KCNIP4: variants seen among roughly 807,000 people sequenced by gnomAD.
KCNIP4 encodes Kv channel-interacting protein 4.
A neutral mutation model predicts 34.0 loss-of-function variants in KCNIP4; 12 were observed. The observed-to-expected ratio is 0.35, with a 90% CI of 0.23 to 0.57. The LOEUF is 0.57. Ranked by LOEUF, KCNIP4 falls within the 20% of genes least tolerant of loss-of-function variation. The pLI, the probability that KCNIP4 is intolerant of heterozygous loss-of-function variation, is 0.83. For synonymous variants in KCNIP4, 124 were observed against 102.2 expected (o/e 1.21, Z -1.29); for missense variants, 238 against 311.7 (o/e 0.76, Z 1.78).
chr4:20,863,520 T>C (rs1359396843), intron 2 of KCNIP4, among the ~76,000 whole-genome samples: 1 of 152,184 alleles, frequency 6.6e-6, no homozygotes, highest in African/African-American at 2.4e-5. Context: ...TGTGGCTAAT[T>C]TGTTAGTCCT....
intron 1 of KCNIP4, among the ~76,000 whole-genome samples, chr4:21,429,760 T>C (rs1726272193): frequency 1.3e-5 from 2 of 152,344 alleles, no homozygotes; most frequent in Admixed American, 6.5e-5. Flanking sequence ...TCTGCAAATT[T>C]ATTTATTTAG....
intron 1 of KCNIP4, chr4:21,851,872 C>T (rs750457299): frequency 2.0e-5 from 3 of 152,106 alleles, no homozygotes; most frequent in East Asian, 1.9e-4. Context: ...CTGGAACCCT[C>T]GTCTCAGTTC....
At chr4:21,848,780 AAT>A (rs2109332297) in intron 1 of KCNIP4, 2 of 152,206 alleles carry the variant, frequency 1.3e-5, no homozygotes, top group East Asian at 3.9e-4. Context: ...ATTTCTGGAG[AAT>A]ATGAGTATAA....
chr4:21,363,567 T>G (rs551050056), intron 1 of KCNIP4, among the ~76,000 whole-genome samples: 1 of 152,292 alleles, frequency 6.6e-6, no homozygotes, highest in African/African-American at 2.4e-5. Context: ...CATAGCTCTT[T>G]GGGAAGTAGG....
At chr4:21,158,825 G>A (rs1277222509) in intron 1 of KCNIP4, among the ~76,000 whole-genome samples, 1 of 152,058 alleles carries the variant, frequency 6.6e-6, no homozygotes, top group African/African-American at 2.4e-5. Context: ...TGAGCATGAA[G>A]AAGATATATT....
At chr4:21,918,775 C>G (rs1304312580) in intron 1 of KCNIP4, among the ~76,000 whole-genome samples, 2 of 152,102 alleles carry the variant, frequency 1.3e-5, no homozygotes, top group Non-Finnish European at 2.9e-5. Context: ...CTATGGTGAT[C>G]AGGGGATGAA....
intron 1 of KCNIP4, among the ~76,000 whole-genome samples, chr4:21,170,082 AT>A (rs1444365591): frequency 6.6e-6 from 1 of 152,170 alleles, no homozygotes; most frequent in Non-Finnish European, 1.5e-5. Context: ...ATTAAAGTGC[AT>A]TCAAGGAAAC....
intron 1 of KCNIP4, among the ~76,000 whole-genome samples, chr4:21,883,901 G>C (rs1031688717): frequency 2.0e-5 from 3 of 152,102 alleles, no homozygotes; most frequent in African/African-American, 4.8e-5. Flanking sequence ...TGGCCCAATA[G>C]AGACTTCTTT....
rs532549749 is a variant in KCNIP4, at chr4:21,856,725, C to A, written c.61+91846G>T. 5.3e-5 allele frequency among the ~76,000 whole-genome samples: 8 copies of A among 152,300 alleles called. No individual in the cohort carries two copies. In the East Asian group the frequency reaches 1.6e-3, roughly 30 times the overall value. ...CAGGAGCCCTGGAAGCCCTCCCCTTCCACTGCCTGGCCTCTTCCTACTCCA... is the reference window on the plus strand; with the variant it reads ...CAGGAGCCCTGGAAGCCCTCCCCTTACACTGCCTGGCCTCTTCCTACTCCA... On this transcript the variant is annotated intron_variant, in intron 1 of 8. Transcript: ENST00000382152.
intron 1 of KCNIP4, among the ~76,000 whole-genome samples, chr4:21,362,052 C>A (rs994544991): frequency 6.6e-6 from 1 of 151,970 alleles, no homozygotes; most frequent in Non-Finnish European, 1.5e-5. Flanking sequence ...CAAGACAGTA[C>A]CCATGCAAGA....
At chr4:20,818,831 T>A (rs775098970) in intron 3 of KCNIP4, among the ~76,000 whole-genome samples, 2 of 151,892 alleles carry the variant, frequency 1.3e-5, no homozygotes, top group Non-Finnish European at 2.9e-5. Context: ...TAATATTAAG[T>A]ATTCCAGAAT....
chr4:21,029,344 G>C (rs1740816046), intron 1 of KCNIP4, among the ~76,000 whole-genome samples: 1 of 152,114 alleles, frequency 6.6e-6, no homozygotes, highest in South Asian at 2.1e-4. Flanking sequence ...TACCTCATAA[G>C]ATTGCTCTGA....
At chr4:21,286,863 G>A (rs562648046) in intron 1 of KCNIP4, among the ~76,000 whole-genome samples, 4 of 152,148 alleles carry the variant, frequency 2.6e-5, no homozygotes, top group Non-Finnish European at 5.9e-5. Context: ...TGATGTTCAT[G>A]TTCTTTCCAT....
intron 3 of KCNIP4, among the ~76,000 whole-genome samples, chr4:20,845,099 C>G (rs1720205872): frequency 6.6e-6 from 1 of 152,100 alleles, no homozygotes; most frequent in Admixed American, 6.5e-5. Flanking sequence ...GTGAGTCACA[C>G]CTTTTTAAAT....
chr4:20,835,428 TC>T (rs1193363899), intron 3 of KCNIP4, among the ~76,000 whole-genome samples: 8 of 152,062 alleles, frequency 5.3e-5, no homozygotes. Flanking sequence ...ACTTAACAAT[TC>T]CTTGCCCATT....
intron 1 of KCNIP4, among the ~76,000 whole-genome samples, chr4:21,267,885 C>T (rs905633304): frequency 6.6e-6 from 1 of 150,856 alleles, no homozygotes; most frequent in Non-Finnish European, 1.5e-5. Context: ...GGGAGGATTC[C>T]CTCTTTTTCT....
chr4:21,208,856 G>T (rs1331486996), intron 1 of KCNIP4, among the ~76,000 whole-genome samples: 1 of 152,080 alleles, frequency 6.6e-6, no homozygotes, highest in Non-Finnish European at 1.5e-5. Flanking sequence ...AAAGCAAAGG[G>T]GTAGCAAGAC....
chr4:21,703,021 T>C (rs1712981406), intron 1 of KCNIP4, among the ~76,000 whole-genome samples: 1 of 151,534 alleles, frequency 6.6e-6, no homozygotes, highest in Non-Finnish European at 1.5e-5. Context: ...TATTCACTGA[T>C]GCAAAAAAAA....
rs1459914295 is a variant in KCNIP4 at position 21,615,262 on chromosome 4, C to T, written c.61+333309G>A. ...TTTAAAAACATACATCATATAGGGC[C>T]GGGCGCGGTGGCTCACGCCTGTAAT... On this transcript the variant is annotated intron_variant, in intron 1 of 8. Transcript: ENST00000382152. Among the ~76,000 whole-genome samples the T allele has an allele frequency of 3.9e-5, 6 of 151,926 alleles. No homozygotes were observed. In the South Asian group the frequency reaches 1.0e-3, roughly 26 times the overall value.
Sources: allele counts gnomAD v4.1 joint callset (sites outside exome capture counted in the v4.1 genomes callset), GRCh38; gene constraint gnomAD v4.1.1; transcripts MANE v1.5; gene names NCBI Gene and HGNC (gene_info 2026-07-23, HGNC 2026-07-21).